The following MLIP variants were observed in gnomAD, a reference collection of about 807,000 sequenced individuals.
MLIP encodes the protein muscular LMNA-interacting protein.
In MLIP, 79 loss-of-function variants were observed where a neutral mutation model predicts 84.8. The ratio of observed to expected loss-of-function variants is 0.93; its 90% CI spans 0.78 to 1.12. MLIP has a LOEUF of 1.12. MLIP is among the 50% of genes most tolerant of loss of function. The probability of loss-of-function intolerance (pLI) is 0.00; values close to 1 mark genes in which losing one functional copy is unlikely to be tolerated. For missense variants in MLIP, 1,257 were observed against 1,160.6 expected (o/e 1.08, Z -1.21); for synonymous variants, 504 against 463.0 (o/e 1.09, Z -1.14).
At chr6:54,146,809 A>T (rs1268604452) in intron 4 of MLIP, among the ~76,000 whole-genome samples, 1 of 152,212 alleles carries the variant, frequency 6.6e-6, no homozygotes, top group East Asian at 1.9e-4. Flanking sequence ...GAGAACAAGC[A>T]CTGTAAATGA....
intron 1 of MLIP, 123 bp from the exon 2 acceptor site, chr6:54,121,324 C>G: frequency 1.0e-6 from 1 of 991,058 alleles, no homozygotes; most frequent in Non-Finnish European, 1.5e-6. Flanking sequence ...CAGCCATATA[C>G]ATGATCACAG....
chr6:54,207,304 A>G (rs2792646), intron 11 of MLIP, among the ~76,000 whole-genome samples: 125,647 of 151,970 alleles, frequency 0.83, 53,566 homozygotes, highest in Non-Finnish European at 0.94. Context: ...TTCTTAGTAT[A>G]TATCTTTTTT....
At chr6:54,263,007 T>C (rs1783483393) in intron 13 of MLIP, among the ~76,000 whole-genome samples, 1 of 151,998 alleles carries the variant, frequency 6.6e-6, no homozygotes. Flanking sequence ...AAGTGGGCGT[T>C]TGACAATTTT....
intron 1 of MLIP, among the ~76,000 whole-genome samples, chr6:54,076,573 G>A (rs1370219933): frequency 6.6e-6 from 1 of 152,196 alleles, no homozygotes; most frequent in Non-Finnish European, 1.5e-5. Flanking sequence ...TCTAAAATGA[G>A]GCATGTCTGT....
chr6:54,026,800 C>G (rs1184472622), intron 1 of MLIP, among the ~76,000 whole-genome samples: 1 of 151,860 alleles, frequency 6.6e-6, no homozygotes, highest in Non-Finnish European at 1.5e-5. Context: ...TAAGTGCCAA[C>G]TAGTATGGTG....
intron 13 of MLIP, among the ~76,000 whole-genome samples, chr6:54,264,662 T>C (rs974122630): frequency 2.6e-5 from 4 of 152,050 alleles, no homozygotes; most frequent in African/African-American, 9.7e-5. Flanking sequence ...TTAAGAAAAA[T>C]CATGTTGGTG....
At chr6:54,194,011 G>A (rs1007234248) in intron 10 of MLIP, among the ~76,000 whole-genome samples, 7 of 152,116 alleles carry the variant, frequency 4.6e-5, no homozygotes, top group Non-Finnish European at 8.8e-5. Flanking sequence ...GTTACAAAAT[G>A]TTCACTGTTG....
chr6:54,222,015 A>C (rs1780255844), intron 11 of MLIP, among the ~76,000 whole-genome samples: 1 of 152,052 alleles, frequency 6.6e-6, no homozygotes, highest in Non-Finnish European at 1.5e-5. Flanking sequence ...TCAAAGAGGA[A>C]ATTCAGAATA....
intron 11 of MLIP, among the ~76,000 whole-genome samples, chr6:54,227,958 C>T (rs973000384): frequency 4.0e-5 from 6 of 151,894 alleles, no homozygotes; most frequent in Non-Finnish European, 5.9e-5. Context: ...CCGAGGCGAG[C>T]GGATCATGAG....
At chr6:54,094,538 T>A (rs1768078888) in intron 1 of MLIP, among the ~76,000 whole-genome samples, 1 of 152,098 alleles carries the variant, frequency 6.6e-6, no homozygotes, top group Non-Finnish European at 1.5e-5. Flanking sequence ...GTCCTGGCAG[T>A]TTTCCCATAT....
intron 11 of MLIP, among the ~76,000 whole-genome samples, chr6:54,224,774 C>T (rs920589543): frequency 3.6e-4 from 54 of 151,916 alleles, no homozygotes; most frequent in African/African-American, 1.2e-3. Flanking sequence ...TTCATTGTAT[C>T]ATTCTTAGGC....
chr6:54,249,776 C>T (rs1423670453), intron 12 of MLIP, among the ~76,000 whole-genome samples: 1 of 151,684 alleles, frequency 6.6e-6, no homozygotes, highest in Non-Finnish European at 1.5e-5. Context: ...CACATGTATA[C>T]ACGTGTGTGT....
chr6:54,049,080 A>G (rs893199139), intron 1 of MLIP, among the ~76,000 whole-genome samples: 2 of 152,210 alleles, frequency 1.3e-5, no homozygotes, highest in Non-Finnish European at 2.9e-5. Context: ...AGAATAAGAC[A>G]TTAATGTCTT....
At chr6:54,087,850 T>C (rs1426192571) in intron 1 of MLIP, among the ~76,000 whole-genome samples, 1 of 151,564 alleles carries the variant, frequency 6.6e-6, no homozygotes, top group East Asian at 1.9e-4. Flanking sequence ...CTGTTTGAGA[T>C]TCTTGCTCTT....
intron 1 of MLIP, among the ~76,000 whole-genome samples, chr6:54,039,783 G>T (rs1764642997): frequency 6.6e-6 from 1 of 151,858 alleles, no homozygotes; most frequent in Admixed American, 6.6e-5. Context: ...CATCTATGTT[G>T]ATTTCTTTGC....
At chr6:54,244,274 G>A (rs1432483243) in intron 12 of MLIP, among the ~76,000 whole-genome samples, 1 of 152,076 alleles carries the variant, frequency 6.6e-6, no homozygotes, top group African/African-American at 2.4e-5. Context: ...AAAGATAATG[G>A]AGATTAGATA....
At chr6:54,164,187 A>G (rs1227237189) in intron 8 of MLIP, among the ~76,000 whole-genome samples, 1 of 151,906 alleles carries the variant, frequency 6.6e-6, no homozygotes, top group Non-Finnish European at 1.5e-5. Context: ...TGAAGTGTTC[A>G]ATCTTTTCTT....
chr6:54,176,039 T>C (rs1776250542), intron 9 of MLIP, among the ~76,000 whole-genome samples: 1 of 152,106 alleles, frequency 6.6e-6, no homozygotes, highest in African/African-American at 2.4e-5. Context: ...TTGATTGATT[T>C]GCATATGTTA....
intron 12 of MLIP, among the ~76,000 whole-genome samples, chr6:54,254,077 T>A (rs1582640838): frequency 6.6e-6 from 1 of 151,176 alleles, no homozygotes; most frequent in East Asian, 1.9e-4. Flanking sequence ...GTAATATTAA[T>A]CTACTCTCTG....
Sources: gnomAD v4.1 joint callset for allele counts (sites outside exome capture counted in the v4.1 genomes callset) on GRCh38, gnomAD v4.1.1 for gene constraint, MANE v1.5 for transcripts, NCBI Gene and HGNC (gene_info 2026-07-23, HGNC 2026-07-21) for gene names.